Variants in HCN1 observed in about 807,000 individuals in gnomAD.
HCN1 encodes potassium/sodium hyperpolarization-activated cyclic nucleotide-gated channel 1.
HCN1 carries 13 observed loss-of-function variants against 78.9 expected under a neutral mutation model. The observed-to-expected ratio is 0.16, with a 90% CI of 0.11 to 0.26. The LOEUF (loss-of-function observed/expected upper bound fraction) is 0.26, where lower values mean the gene tolerates loss of function less well. Among genes scored for constraint, HCN1 ranks in the 10% least tolerant of loss-of-function variants. The probability of loss-of-function intolerance (pLI) is 1.00; values close to 1 mark genes in which losing one functional copy is unlikely to be tolerated. For missense variants in HCN1, 810 were observed against 1,154.3 expected (o/e 0.70, Z 4.32); for synonymous variants, 552 against 455.5 (o/e 1.21, Z -2.70).
chr5:45,589,074 T>C (rs1419731680), intron 2 of HCN1, among the ~76,000 whole-genome samples: 1 of 152,120 alleles, frequency 6.6e-6, no homozygotes, highest in African/African-American at 2.4e-5. Flanking sequence ...GAAATGAGAA[T>C]AAATTCCCAG....
intron 2 of HCN1, among the ~76,000 whole-genome samples, chr5:45,593,469 C>T (rs1744427048): frequency 6.6e-6 from 1 of 151,744 alleles, no homozygotes; most frequent in African/African-American, 2.4e-5. Context: ...TTTAGCAAGA[C>T]AGTGAAGCTG....
intron 2 of HCN1, among the ~76,000 whole-genome samples, chr5:45,549,388 A>C (rs376405881): frequency 1.3e-4 from 20 of 152,198 alleles, no homozygotes; most frequent in Admixed American, 4.6e-4. Context: ...CAAAAACAAG[A>C]AATGGGGAAA....
intron 3 of HCN1, among the ~76,000 whole-genome samples, chr5:45,400,394 C>CT (rs541820226): frequency 0.028 from 3,134 of 112,958 alleles, 90 homozygotes; most frequent in African/African-American, 0.055. Context: ...ATTAAAAATG[C>CT]TTTTTTTTTT....
chr5:45,580,443 GA>G (rs902975184), intron 2 of HCN1, among the ~76,000 whole-genome samples: 2 of 151,968 alleles, frequency 1.3e-5, no homozygotes, highest in Admixed American at 6.6e-5. Flanking sequence ...GCAGATTACA[GA>G]AAAAAATGCA....
At chr5:45,575,545 C>A (rs368477299) in intron 2 of HCN1, 2 of 151,842 alleles carry the variant, frequency 1.3e-5, no homozygotes, top group Admixed American at 1.3e-4. Context: ...CTGCACGTTG[C>A]GCACATGTAC....
intron 5 of HCN1, among the ~76,000 whole-genome samples, chr5:45,344,977 T>G (rs908546593): frequency 4.6e-5 from 7 of 152,180 alleles, no homozygotes; most frequent in African/African-American, 1.7e-4. Context: ...GCAGAGGTTC[T>G]CCATGAGGGC....
rs377299191 is a variant in HCN1, at chr5:45,581,058, T to C, written c.849+64127A>G. Among the ~76,000 whole-genome samples the C allele has an allele frequency of 9.7e-4, 147 of 152,322 alleles. 3 individuals are homozygous for C. In the South Asian group the frequency reaches 0.03, roughly 31 times the overall value. ...AACCCTTTGGGTATCTACCCAGTAA[T>C]GGGATGGCTGGGTCAAATGGTATTT... On this transcript the variant is annotated intron_variant, in intron 2 of 7. Coordinates refer to ENST00000303230, the MANE Select transcript of HCN1 (RefSeq NM_021072.4).
intron 2 of HCN1, among the ~76,000 whole-genome samples, chr5:45,560,395 T>C (rs1743572474): frequency 6.6e-6 from 1 of 152,036 alleles, no homozygotes; most frequent in African/African-American, 2.4e-5. Context: ...TTATAAAAAT[T>C]ACCACAAGCC....
intron 2 of HCN1, among the ~76,000 whole-genome samples, chr5:45,605,492 G>A (rs984685777): frequency 6.6e-6 from 1 of 151,332 alleles, no homozygotes; most frequent in Non-Finnish European, 1.5e-5. Context: ...AAAATATTAA[G>A]GTAGTTCTCA....
rs182278508 is a variant in HCN1 at position 45,430,326 on chromosome 5, T to G, written c.1011+31520A>C. 1.6e-3 allele frequency among the ~76,000 whole-genome samples: 248 copies of G among 152,272 alleles called. 1 individual carries two copies. The highest frequency in any genetic ancestry group is 5.8e-3 in the African/African-American group (241 of 41,552). ...ATGGTTCAGGGGTACATGTGTAGGTTTGTTATATAGGTAAACTGTGTGTCT... is the reference window on the plus strand; with the variant it reads ...ATGGTTCAGGGGTACATGTGTAGGTGTGTTATATAGGTAAACTGTGTGTCT... On this transcript the variant is annotated intron_variant, in intron 3 of 7. Coordinates refer to ENST00000303230, the MANE Select transcript of HCN1 (RefSeq NM_021072.4).
At chr5:45,567,998 C>A (rs2111896066) in intron 2 of HCN1, among the ~76,000 whole-genome samples, 1 of 151,902 alleles carries the variant, frequency 6.6e-6, no homozygotes, top group Middle Eastern at 3.4e-3. Flanking sequence ...AGAACTTGCT[C>A]AAAATTATAG....
At chr5:45,670,283 C>G (rs187173338) in intron 1 of HCN1, among the ~76,000 whole-genome samples, 2 of 151,640 alleles carry the variant, frequency 1.3e-5, no homozygotes, top group Non-Finnish European at 3.0e-5. Context: ...TTTACTGGAG[C>G]TTTTCATTTT....
chr5:45,646,516 G>A (rs956248241), intron 1 of HCN1, among the ~76,000 whole-genome samples: 5 of 151,134 alleles, frequency 3.3e-5, no homozygotes, highest in African/African-American at 1.2e-4. Flanking sequence ...TGGCATTACA[G>A]GCGTGCCACC....
At chr5:45,265,652 T>TGAA (rs2111844413) in intron 7 of HCN1, among the ~76,000 whole-genome samples, 1 of 152,322 alleles carries the variant, frequency 6.6e-6, no homozygotes, top group South Asian at 2.1e-4. Flanking sequence ...TTTATCAATC[T>TGAA]GAAGTCCTTA....
intron 6 of HCN1, among the ~76,000 whole-genome samples, chr5:45,293,422 A>G (rs1437107479): frequency 6.6e-6 from 1 of 151,928 alleles, no homozygotes; most frequent in Non-Finnish European, 1.5e-5. Context: ...AAGATCACTT[A>G]AGCCTAGAAG....
intron 1 of HCN1, 23 bp downstream of exon 1, chr5:45,695,646 G>A: frequency 1.2e-6 from 2 of 1,606,896 alleles, no homozygotes; most frequent in Non-Finnish European, 1.7e-6. Context: ...AGGGAGGGTG[G>A]GGCGGCGACC....
chr5:45,525,473 G>C (rs143047307), intron 2 of HCN1, among the ~76,000 whole-genome samples: 1 of 151,312 alleles, frequency 6.6e-6, no homozygotes, highest in African/African-American at 2.4e-5. Context: ...ATGATAAAAT[G>C]AATATAAATA....
At chr5:45,668,001 G>A (rs1319168201) in intron 1 of HCN1, among the ~76,000 whole-genome samples, 1 of 151,892 alleles carries the variant, frequency 6.6e-6, no homozygotes, top group South Asian at 2.1e-4. Context: ...CTGGTTAATG[G>A]CATCTAAGAT....
chr5:45,571,698 TG>T (rs1353617043), intron 2 of HCN1, among the ~76,000 whole-genome samples: 1 of 152,150 alleles, frequency 6.6e-6, no homozygotes, highest in East Asian at 1.9e-4. Context: ...ATGGATCACC[TG>T]AAGTCAGTAG....
Sources: gnomAD v4.1 joint callset for allele counts (sites outside exome capture counted in the v4.1 genomes callset) on GRCh38, gnomAD v4.1.1 for gene constraint, MANE v1.5 for transcripts, NCBI Gene and HGNC (gene_info 2026-07-23, HGNC 2026-07-21) for gene names.